CTNNA2: variants seen among roughly 807,000 people sequenced by gnomAD.
CTNNA2 encodes the protein catenin alpha 2.
Under a neutral mutation model 101.0 loss-of-function variants are expected in CTNNA2, and 42 were observed. The observed-to-expected ratio is 0.42, with a 90% confidence interval of 0.32 to 0.54. The LOEUF is 0.54. Among genes scored for constraint, CTNNA2 ranks in the 20% least tolerant of loss-of-function variants. CTNNA2 has a pLI of 0.14. For synonymous variants in CTNNA2, 450 were observed against 456.4 expected, an observed-to-expected ratio of 0.99 and a Z score of 0.18; for missense variants, 871 against 1,223.1, an observed-to-expected ratio of 0.71 and a Z score of 4.29.
At chr2:80,412,506 A>G (rs1679676867) in intron 8 of CTNNA2, among the ~76,000 whole-genome samples, 1 of 152,226 alleles carries the variant, frequency 6.6e-6, no homozygotes, top group Non-Finnish European at 1.5e-5. Context: ...AAATGGCACC[A>G]AACTAGTCCA....
chr2:80,644,679 A>G (rs1673869205), intron 18 of CTNNA2, among the ~76,000 whole-genome samples: 1 of 152,154 alleles, frequency 6.6e-6, no homozygotes, highest in African/African-American at 2.4e-5. Flanking sequence ...TTAAAAGTCA[A>G]ATTTTGTATT....
At chr2:80,566,990 T>C (rs1356075446) in intron 12 of CTNNA2, among the ~76,000 whole-genome samples, 2 of 152,164 alleles carry the variant, frequency 1.3e-5, no homozygotes, top group African/African-American at 4.8e-5. Context: ...GTACGAACCC[T>C]TAGCCAAGGG....
intron 7 of CTNNA2, among the ~76,000 whole-genome samples, chr2:80,126,355 C>T (rs373263461): frequency 3.9e-5 from 6 of 152,046 alleles, no homozygotes; most frequent in African/African-American, 1.4e-4. Context: ...CCCTAATGAT[C>T]CTCCCCATAG....
At chr2:80,608,356 C>T in intron 17 of CTNNA2, 38 bp downstream of exon 17, 1 of 1,580,970 alleles carries the variant, frequency 6.3e-7, no homozygotes, top group South Asian at 1.1e-5. Context: ...AAAGTTCCCA[C>T]CGTTGCACTT....
chr2:79,753,867 CT>C (rs1170637332), intron 3 of CTNNA2, among the ~76,000 whole-genome samples: 5,715 of 134,804 alleles, frequency 0.042, 364 homozygotes, highest in African/African-American at 0.13. Context: ...CTTTTTCTCT[CT>C]TTTTTTTTTT....
At chr2:79,588,718 A>G (rs549766966) in intron 1 of CTNNA2, among the ~76,000 whole-genome samples, 399 of 152,326 alleles carry the variant, frequency 2.6e-3, no homozygotes, top group Non-Finnish European at 4.9e-3. Context: ...ATCCATTCAA[A>G]AAAGTTTAGA....
intron 4 of CTNNA2, among the ~76,000 whole-genome samples, chr2:79,395,162 A>G (rs1012191651): frequency 6.6e-6 from 1 of 152,196 alleles, no homozygotes; most frequent in African/African-American, 2.4e-5. Flanking sequence ...GGTCACCACG[A>G]TGCTATGTCC....
intron 7 of CTNNA2, among the ~76,000 whole-genome samples, chr2:80,061,370 A>G (rs933792758): frequency 5.9e-5 from 9 of 152,234 alleles, no homozygotes; most frequent in African/African-American, 2.2e-4. Flanking sequence ...CTCCTAAAAT[A>G]GAACACAGAT....
intron 1 of CTNNA2, among the ~76,000 whole-genome samples, chr2:79,604,091 A>G (rs1677726890): frequency 6.6e-6 from 1 of 151,718 alleles, no homozygotes; most frequent in Non-Finnish European, 1.5e-5. Flanking sequence ...CTACATATAT[A>G]GTGATATTGA....
At chr2:80,553,173 G>A (rs1263046446) in intron 11 of CTNNA2, among the ~76,000 whole-genome samples, 1 of 151,048 alleles carries the variant, frequency 6.6e-6, no homozygotes, top group Non-Finnish European at 1.5e-5. Flanking sequence ...GTGGTGAGCT[G>A]GGATTGCGTC....
intron 1 of CTNNA2, among the ~76,000 whole-genome samples, chr2:79,566,839 T>G (rs1675144013): frequency 2.0e-5 from 3 of 152,352 alleles, no homozygotes; most frequent in South Asian, 4.1e-4. Context: ...AATTGAATCC[T>G]ACTTTAACTT....
chr2:79,540,037 A>G (rs1412759126), intron 1 of CTNNA2, among the ~76,000 whole-genome samples: 1 of 152,232 alleles, frequency 6.6e-6, no homozygotes, highest in African/African-American at 2.4e-5. Context: ...CTGTCCCACC[A>G]GACTGCAACC....
chr2:79,711,916 T>G (rs1347018478), intron 2 of CTNNA2, among the ~76,000 whole-genome samples: 1 of 152,188 alleles, frequency 6.6e-6, no homozygotes, highest in Admixed American at 6.5e-5. Flanking sequence ...TTTGAATTTT[T>G]TAGCCATTTA....
At chr2:80,520,755 G>T (rs181691407) in intron 9 of CTNNA2, among the ~76,000 whole-genome samples, 1 of 152,274 alleles carries the variant, frequency 6.6e-6, no homozygotes, top group African/African-American at 2.4e-5. Context: ...AATTTTGGGG[G>T]TATTGTACTG....
intron 3 of CTNNA2, among the ~76,000 whole-genome samples, chr2:79,842,432 A>T (rs1320680595): frequency 6.6e-6 from 1 of 152,186 alleles, no homozygotes. Flanking sequence ...GAACAAGGGA[A>T]GCACCATGTT....
rs954603829 is a variant in CTNNA2 at position 79,861,074 on chromosome 2, C to T, written c.465+2895C>T. Among the ~76,000 whole-genome samples the T allele has an allele frequency of 4.6e-5, 7 of 152,160 alleles. No individual in the cohort carries two copies. The South Asian group carries it at 1.5e-3, about 32-fold the overall frequency. On this transcript the variant is annotated intron_variant, in intron 4 of 18. Transcript: ENST00000402739. ...AATAAACAATGAGTTTCTTTACCACCTGGATGATAAAACATAGATGAGAAA... is the reference window on the plus strand; with the variant it reads ...AATAAACAATGAGTTTCTTTACCACTTGGATGATAAAACATAGATGAGAAA...
At chr2:79,669,754 G>T (rs949411009) in intron 2 of CTNNA2, among the ~76,000 whole-genome samples, 1 of 152,144 alleles carries the variant, frequency 6.6e-6, no homozygotes, top group African/African-American at 2.4e-5. Context: ...GTCAAGGATG[G>T]TCCTGTCATC....
At position 80,484,744 on chromosome 2, in the gene CTNNA2, C is replaced by T. The variant is rs1286093855; in HGVS notation, c.1291-60238C>T. 3.3e-5 allele frequency among the ~76,000 whole-genome samples: 5 copies of T among 152,182 alleles called. No homozygotes were observed. The East Asian group carries it at 9.6e-4, about 29-fold the overall frequency. ...GGGTCTGGCTGGGCGCAGTGACTCACACCTGTAATCCCAGCACTTTGGGAG... is the reference window on the plus strand; with the variant it reads ...GGGTCTGGCTGGGCGCAGTGACTCATACCTGTAATCCCAGCACTTTGGGAG... On this transcript the variant is annotated intron_variant, in intron 9 of 18. Coordinates refer to ENST00000402739, the MANE Select transcript of CTNNA2 (RefSeq NM_001282597.3).
At chr2:80,343,073 CA>C (rs1335188061) in intron 7 of CTNNA2, among the ~76,000 whole-genome samples, 2 of 152,102 alleles carry the variant, frequency 1.3e-5, no homozygotes, top group African/African-American at 2.4e-5. Context: ...TATGAGGAAA[CA>C]GTTACATTGG....
Sources: allele counts gnomAD v4.1 joint callset (sites outside exome capture counted in the v4.1 genomes callset), GRCh38; gene constraint gnomAD v4.1.1; transcripts MANE v1.5; gene names NCBI Gene and HGNC (gene_info 2026-07-23, HGNC 2026-07-21).